Variants in OXNAD1 observed in about 807,000 individuals in gnomAD.
The protein encoded by OXNAD1 is oxidoreductase NAD-binding domain-containing protein 1.
A neutral mutation model predicts 32.9 loss-of-function variants in OXNAD1; 34 were observed. The observed-to-expected ratio is 1.03, with a 90% CI of 0.79 to 1.38. OXNAD1 has a LOEUF of 1.38. Ranked by LOEUF, OXNAD1 falls within the 40% of genes most tolerant of loss-of-function variation. The pLI is 0.00. For missense variants in OXNAD1, 407 were observed against 379.4 expected (o/e 1.07, Z -0.60); for synonymous variants, 134 against 135.2 (o/e 0.99, Z 0.06).
At position 16,302,543 on chromosome 3, in the gene OXNAD1, T is replaced by G. The variant is rs2067260966; in HGVS notation, c.676-97T>G. ...AAGTAGAGAGCGAGAGCGGCAGACGTGTGCAGAATGGGAGTTGAGGTTCAG... is the reference window on the plus strand; with the variant it reads ...AAGTAGAGAGCGAGAGCGGCAGACGGGTGCAGAATGGGAGTTGAGGTTCAG... On this transcript the variant is annotated intron_variant, in intron 7 of 8. Coordinates refer to ENST00000285083, the MANE Select transcript of OXNAD1 (RefSeq NM_138381.5). This position sits in a 1 kb window ranked among gnomAD's most constrained non-coding sequence, Gnocchi z 4.2. The G allele has an allele frequency of 2.6e-6, 2 of 770,656 alleles. No individual in the cohort carries two copies. 47.7% of individuals were successfully genotyped at this position (770,656 alleles called of 1,614,324 possible). A position where few individuals can be genotyped will look rare whatever the true frequency, so the allele number is the denominator to read the frequency against.
At chr3:16,341,805 A>C (rs530705007), downstream of OXNAD1, among the ~76,000 whole-genome samples, 2 of 152,336 alleles carry the variant, frequency 1.3e-5, no homozygotes, top group African/African-American at 4.8e-5. The surrounding 1 kb of genome is among the most constrained non-coding windows in gnomAD (Gnocchi z 4.7). Flanking sequence ...AATAACAGAA[A>C]CATTTTCAGC....
In OXNAD1 at chr3:16,297,841, C is replaced by T. The variant is rs1371945949; in HGVS notation, c.432+2844C>T. ...GTTGAGATTACTGTAAAGGTAGGAT[C>T]GATAGCACAGGGGAATATTTTCAGG... On this transcript the variant is annotated intron_variant, in intron 6 of 8. Coordinates refer to ENST00000285083, the MANE Select transcript of OXNAD1 (RefSeq NM_138381.5). This position sits in a 1 kb window ranked among gnomAD's most constrained non-coding sequence, Gnocchi z 4.3. 2.0e-5 allele frequency among the ~76,000 whole-genome samples: 3 copies of T among 151,886 alleles called. No homozygotes were observed. The highest frequency in any genetic ancestry group is 1.9e-4 in the East Asian group (1 of 5,192).
At chr3:16,324,612 G>GCCCCCC (rs1270315325) in intron 9 of OXNAD1, among the ~76,000 whole-genome samples, 1 of 71,066 alleles carries the variant, frequency 1.4e-5, no homozygotes, top group African/African-American at 6.1e-5. Context: ...GAATGTCCCT[G>GCCCCCC]ACCCCCCCCC....
rs1302289980 is a variant in OXNAD1 at position 16,284,107 on chromosome 3, C to T, written c.184-2235C>T. ...TATATTCAAGACAGTATGGCTTTTA[C>T]GTTTGCACTGGTAAAAACATGTACA... is the stretch of plus-strand genomic sequence containing the variant. On this transcript the variant is annotated intron_variant, in intron 4 of 8. Coordinates refer to ENST00000285083, the MANE Select transcript of OXNAD1 (RefSeq NM_138381.5). The surrounding 1 kb of genome is among the most constrained non-coding windows in gnomAD (Gnocchi z 4.1). 1.3e-5 allele frequency among the ~76,000 whole-genome samples: 2 copies of T among 152,152 alleles called. No homozygotes were observed. Among genetic ancestry groups the T allele is most frequent in the Non-Finnish European group, 2.9e-5 (2 of 68,024 alleles).
chr3:16,316,179 T>G lies in OXNAD1; in HGVS notation c.*30+12587T>G, dbSNP rs766540078. 1 of 153,772 alleles carries G rather than the reference T, an allele frequency of 6.5e-6. No homozygotes were observed. The highest frequency in any genetic ancestry group is 2.4e-5 in the African/African-American group (1 of 41,462). 9.5% of individuals were successfully genotyped at this position (153,772 alleles called of 1,614,324 possible). ...TTTTGGCATTAATACTAACACAGAA[T>G]ACTTCCTTGAACATTCTGCAAAAGT... On this transcript the variant is annotated intron_variant, in intron 9 of 9. Transcript: ENST00000435829. The surrounding 1 kb of genome is among the most constrained non-coding windows in gnomAD (Gnocchi z 4.5).
rs1187127003 is a variant in OXNAD1 at position 16,301,029 on chromosome 3, A to G, written c.433-597A>G. On this transcript the variant is annotated intron_variant, in intron 6 of 8. Coordinates refer to ENST00000285083, the MANE Select transcript of OXNAD1 (RefSeq NM_138381.5). The surrounding 1 kb of genome is among the most constrained non-coding windows in gnomAD (Gnocchi z 4.1). The stretch of plus-strand genomic sequence containing the variant: ...CTTTATCTAGATAGGTCTATGTGAT[A>G]CTCCCTAGTATGAAGCCTCTGGCTG... Among the ~76,000 whole-genome samples the G allele has an allele frequency of 6.6e-6, 1 of 152,142 alleles. No homozygotes were observed. Among genetic ancestry groups the G allele is most frequent in the African/African-American group, 2.4e-5 (1 of 41,444 alleles).
intron 9 of OXNAD1, chr3:16,326,766 T>A (rs368117034): frequency 5.6e-6 from 9 of 1,607,302 alleles, no homozygotes; most frequent in Non-Finnish European, 5.1e-6. Context: ...ATTACTGTTA[T>A]TGTTACCTGG....
Position 16,303,298 on chromosome 3 carries a change from A to G in OXNAD1, c.785-110A>G. 2 of 1,265,474 alleles carry G rather than the reference A, an allele frequency of 1.6e-6. No homozygotes were observed. Among genetic ancestry groups the G allele is most frequent in the Admixed American group, 3.9e-5 (2 of 50,826 alleles). The allele number at this position is 1,265,474 out of a possible 1,614,324, so 78.4% of individuals were successfully genotyped here. A position where few individuals can be genotyped will look rare whatever the true frequency, so the allele number is the denominator to read the frequency against. ...ACTGTGAATGGCTTAAGAAGACTAG[A>G]CTCACTGAACTTGGAAATAAACACT... is the stretch of plus-strand genomic sequence containing the variant. On this transcript the variant is annotated intron_variant, in intron 8 of 8. Transcript: ENST00000285083. This position sits in a 1 kb window ranked among gnomAD's most constrained non-coding sequence, Gnocchi z 4.8.
At chr3:16,331,822 A>G (rs1250871854) in intron 9 of OXNAD1, among the ~76,000 whole-genome samples, 4 of 152,200 alleles carry the variant, frequency 2.6e-5, no homozygotes, top group Admixed American at 2.6e-4. Flanking sequence ...CTAGGCAACA[A>G]TGCCCTAGAA....
rs374789265 is a variant in OXNAD1, at chr3:16,266,040, A to C, written c.-159+535A>C. Reference sequence around the variant, plus strand: ...GTCTTACTTAATTACTAGGCATTTTAATATCTTAGTAGAGAAGAAATGCAT... The same window carrying C: ...GTCTTACTTAATTACTAGGCATTTTCATATCTTAGTAGAGAAGAAATGCAT... On this transcript the variant is annotated intron_variant, in intron 1 of 8. Transcript: ENST00000285083. 3.4e-4 allele frequency among the ~76,000 whole-genome samples: 52 copies of C among 152,346 alleles called. No individual in the cohort carries two copies. The South Asian group carries it at 0.011, about 31-fold the overall frequency.
Position 16,306,014 on chromosome 3 carries a change from C to G in OXNAD1, c.*2452C>G, listed in dbSNP as rs1355318991. ...GTCTTGTTTATTGCTGTGCCAGGCA[C>G]AAAATAGGTATTTCATAAATATTTG... On this transcript the variant is annotated 3_prime_UTR_variant, in exon 9 of 9. Coordinates refer to ENST00000285083, the MANE Select transcript of OXNAD1 (RefSeq NM_138381.5). 6.6e-6 allele frequency: 1 copy of G among 152,134 alleles called. No homozygotes were observed. Among genetic ancestry groups the G allele is most frequent in the Non-Finnish European group, 1.5e-5 (1 of 68,010 alleles). 9.4% of individuals were successfully genotyped at this position (152,134 alleles called of 1,614,324 possible).
At chr3:16,330,270 C>G (rs945238284) in intron 9 of OXNAD1, among the ~76,000 whole-genome samples, 2 of 152,194 alleles carry the variant, frequency 1.3e-5, no homozygotes, top group Non-Finnish European at 2.9e-5. Flanking sequence ...CCCACTCCGA[C>G]TATTTGGAAT....
intron 9 of OXNAD1, chr3:16,323,586 G>A (rs947470082): frequency 3.2e-5 from 20 of 625,708 alleles, no homozygotes; most frequent in Admixed American, 2.9e-4. Context: ...TAGAAGAGAC[G>A]CCTGCTCTAC....
At chr3:16,267,643 A>G (rs1224000065) in intron 1 of OXNAD1, among the ~76,000 whole-genome samples, 2 of 152,084 alleles carry the variant, frequency 1.3e-5, no homozygotes, top group African/African-American at 4.8e-5. Flanking sequence ...GTCTTTCTTG[A>G]TATTTCCCCC....
intron 5 of OXNAD1, among the ~76,000 whole-genome samples, chr3:16,293,925 G>A (rs1207540514): frequency 6.6e-6 from 1 of 152,152 alleles, no homozygotes; most frequent in African/African-American, 2.4e-5. Flanking sequence ...TGTGGGTTTT[G>A]TCATTTATTC....
At chr3:16,274,795 T>C (rs920090430) in intron 4 of OXNAD1, among the ~76,000 whole-genome samples, 2 of 152,252 alleles carry the variant, frequency 1.3e-5, no homozygotes, top group African/African-American at 4.8e-5. Flanking sequence ...TTTCATGTTA[T>C]GACCGAATCG....
chr3:16,320,199 G>A lies in OXNAD1; in HGVS notation c.*30+16607G>A, dbSNP rs138789594. On this transcript the variant is annotated intron_variant, in intron 9 of 9. Coordinates refer to the OXNAD1 transcript ENST00000435829. This position sits in a 1 kb window ranked among gnomAD's most constrained non-coding sequence, Gnocchi z 4.5. ...AGTTTAGCTGGAAGGAAGTCTTCCC[G>A]AGTTGTAGAAATCACCTACTCCCTT... Among the ~76,000 whole-genome samples, 12 of 152,214 alleles carry A rather than the reference G, an allele frequency of 7.9e-5. No individual in the cohort carries two copies. The highest frequency in any genetic ancestry group is 1.3e-4 in the Non-Finnish European group (9 of 68,034).
At chr3:16,282,545 G>A (rs2065819650) in intron 4 of OXNAD1, among the ~76,000 whole-genome samples, 1 of 152,132 alleles carries the variant, frequency 6.6e-6, no homozygotes, top group South Asian at 2.1e-4. Flanking sequence ...TGGTCAGAAA[G>A]GCAAAAACAT....
At chr3:16,269,089 C>A in intron 1 of OXNAD1, 37 bp from the exon 2 acceptor site, 2 of 1,415,644 alleles carry the variant, frequency 1.4e-6, no homozygotes, top group Non-Finnish European at 1.8e-6. Context: ...TGATCAGTTC[C>A]CCAAAACATT....
Sources: allele counts gnomAD v4.1 joint callset (sites outside exome capture counted in the v4.1 genomes callset), GRCh38; gene constraint gnomAD v4.1.1; non-coding constraint Gnocchi (gnomAD v3.1); transcripts MANE v1.5; gene names NCBI Gene and HGNC (gene_info 2026-07-23, HGNC 2026-07-21).